The following FBXL17 variants were observed in gnomAD, a reference collection of about 807,000 sequenced individuals.
FBXL17 encodes the protein F-box and leucine rich repeat protein 17, also known as F-box/LRR-repeat protein 17.
Under a neutral mutation model 66.2 loss-of-function variants are expected in FBXL17, and 22 were observed. That is an observed-to-expected ratio of 0.33 (90% CI 0.24 to 0.47). The LOEUF (loss-of-function observed/expected upper bound fraction) is 0.47, where lower values mean the gene tolerates loss of function less well. FBXL17 is among the 20% of genes least tolerant of loss of function. The probability of loss-of-function intolerance (pLI) is 1.00; values close to 1 mark genes in which losing one functional copy is unlikely to be tolerated. For missense variants in FBXL17, 878 were observed against 948.2 expected (o/e 0.93, Z 0.97); for synonymous variants, 474 against 400.5 (o/e 1.18, Z -2.19).
rs564224086 is a variant in FBXL17, at chr5:108,248,712, T to C, written c.1507-24484A>G. 2.4e-4 allele frequency among the ~76,000 whole-genome samples: 37 copies of C among 152,246 alleles called. No individual in the cohort carries two copies. In the South Asian group the frequency reaches 7.5e-3, roughly 31 times the overall value. The stretch of plus-strand genomic sequence containing the variant: ...AATCCTGAAAGCAGTAAGATCTCTC[T>C]ACAACTCAAATTTAAGACACAATTT... On this transcript the variant is annotated intron_variant, in intron 4 of 8. Transcript: ENST00000542267.
At chr5:108,078,748 C>T (rs1253275579) in intron 6 of FBXL17, among the ~76,000 whole-genome samples, 1 of 152,164 alleles carries the variant, frequency 6.6e-6, no homozygotes, top group Non-Finnish European at 1.5e-5. Flanking sequence ...TGATTTATCA[C>T]CATTACTTGT....
intron 7 of FBXL17, among the ~76,000 whole-genome samples, chr5:107,966,936 T>C (rs1403282125): frequency 6.6e-6 from 1 of 152,130 alleles, no homozygotes; most frequent in Non-Finnish European, 1.5e-5. Context: ...AAGAGAAGAA[T>C]GCAGAAGTAT....
At chr5:108,121,952 C>T (rs1464399627) in intron 6 of FBXL17, among the ~76,000 whole-genome samples, 1 of 152,038 alleles carries the variant, frequency 6.6e-6, no homozygotes, top group Non-Finnish European at 1.5e-5. Flanking sequence ...ACATCTACTC[C>T]AACCCCAAAA....
chr5:107,992,155 A>G (rs1753277999), intron 7 of FBXL17, among the ~76,000 whole-genome samples: 1 of 151,858 alleles, frequency 6.6e-6, no homozygotes, highest in Non-Finnish European at 1.5e-5. Context: ...TGGGGCAGGT[A>G]GGTGATCATT....
intron 7 of FBXL17, among the ~76,000 whole-genome samples, chr5:108,015,668 A>T (rs1159745648): frequency 6.6e-6 from 1 of 152,190 alleles, no homozygotes; most frequent in Non-Finnish European, 1.5e-5. Context: ...TACCGGGGTA[A>T]CCCAGAATGC....
chr5:108,231,973 GA>G (rs1203752178), intron 4 of FBXL17, among the ~76,000 whole-genome samples: 4 of 147,068 alleles, frequency 2.7e-5, no homozygotes, highest in Non-Finnish European at 4.6e-5. Flanking sequence ...ACTGTACCAG[GA>G]AAAAAACTAT....
At chr5:108,336,161 A>C (rs140101131) in intron 4 of FBXL17, among the ~76,000 whole-genome samples, 34 of 152,290 alleles carry the variant, frequency 2.2e-4, no homozygotes, top group African/African-American at 6.0e-4. Flanking sequence ...ATGAAACTAG[A>C]AACTAAAAAC....
intron 6 of FBXL17, among the ~76,000 whole-genome samples, chr5:108,049,247 A>G (rs2112819093): frequency 6.6e-6 from 1 of 151,978 alleles, no homozygotes; most frequent in African/African-American, 2.4e-5. Flanking sequence ...GGTTCAAGCA[A>G]TTCCCCTGCC....
intron 6 of FBXL17, among the ~76,000 whole-genome samples, chr5:108,180,573 T>C (rs1214111527): frequency 1.3e-5 from 2 of 151,890 alleles, no homozygotes; most frequent in African/African-American, 2.4e-5. Flanking sequence ...AAAAATAAAA[T>C]AGCAATATTT....
chr5:108,294,270 T>C (rs1211163622), intron 4 of FBXL17, among the ~76,000 whole-genome samples: 10 of 132,254 alleles, frequency 7.6e-5, no homozygotes, highest in African/African-American at 2.7e-4. Flanking sequence ...AGAACATATA[T>C]ATATATATAC....
intron 3 of FBXL17, among the ~76,000 whole-genome samples, chr5:108,348,818 T>A (rs1380654512): frequency 6.6e-6 from 1 of 152,174 alleles, no homozygotes; most frequent in Non-Finnish European, 1.5e-5. Context: ...GTATATATAT[T>A]TTTAAAGACA....
intron 7 of FBXL17, among the ~76,000 whole-genome samples, chr5:107,986,240 T>C (rs1055104602): frequency 3.9e-5 from 6 of 152,006 alleles, no homozygotes; most frequent in Non-Finnish European, 2.9e-5. Context: ...TGCCTTCTTA[T>C]GCCAACCATA....
chr5:108,280,883 T>A (rs777533491), intron 4 of FBXL17, among the ~76,000 whole-genome samples: 1 of 151,460 alleles, frequency 6.6e-6, no homozygotes, highest in Non-Finnish European at 1.5e-5. Flanking sequence ...TCATATTAGA[T>A]AAAACAGACA....
At chr5:108,003,904 T>A (rs931724323) in intron 7 of FBXL17, among the ~76,000 whole-genome samples, 5 of 152,156 alleles carry the variant, frequency 3.3e-5, no homozygotes, top group African/African-American at 1.2e-4. Flanking sequence ...AAAAAGGCAA[T>A]GTTTGAGAAA....
chr5:108,022,969 G>C lies in FBXL17; in HGVS notation c.1746-1968C>G, dbSNP rs112445202. On this transcript the variant is annotated intron_variant, in intron 6 of 8. Transcript: ENST00000542267. The stretch of plus-strand genomic sequence containing the variant: ...AAGAGGTGTAGACAATTATGAATAC[G>C]TATTATAAAATCATTTAGCATACTC... Among the ~76,000 whole-genome samples, 9 of 152,168 alleles carry C rather than the reference G, an allele frequency of 5.9e-5. 2 individuals carry two copies. Among genetic ancestry groups the C allele is most frequent in the African/African-American group, 2.2e-4 (9 of 41,538 alleles).
At chr5:108,109,116 T>G (rs1301619891) in intron 6 of FBXL17, among the ~76,000 whole-genome samples, 1 of 151,822 alleles carries the variant, frequency 6.6e-6, no homozygotes, top group Non-Finnish European at 1.5e-5. Flanking sequence ...ATTGGGAAAG[T>G]AAAAAGGAGA....
chr5:108,352,492 T>C (rs62359548), intron 3 of FBXL17, among the ~76,000 whole-genome samples: 33,782 of 152,176 alleles, frequency 0.22, 4,512 homozygotes, highest in Middle Eastern at 0.33. Context: ...ACCATAGAAA[T>C]AGAATACAAT....
intron 6 of FBXL17, among the ~76,000 whole-genome samples, chr5:108,080,820 TG>T (rs947643774): frequency 2.8e-4 from 43 of 152,150 alleles, no homozygotes; most frequent in Non-Finnish European, 4.0e-4. Context: ...TAAGGGGTCC[TG>T]GGGACCAAGG....
chr5:108,192,590 G>A (rs943614034), intron 5 of FBXL17, among the ~76,000 whole-genome samples: 2 of 152,068 alleles, frequency 1.3e-5, no homozygotes, highest in African/African-American at 2.4e-5. Flanking sequence ...TCAGGAGTTC[G>A]AGACCAGCCT....
Sources: gnomAD v4.1 joint callset for allele counts (sites outside exome capture counted in the v4.1 genomes callset) on GRCh38, gnomAD v4.1.1 for gene constraint, MANE v1.5 for transcripts, NCBI Gene and HGNC (gene_info 2026-07-23, HGNC 2026-07-21) for gene names.